The following TBC1D1 variants were observed in gnomAD, a reference collection of about 807,000 sequenced individuals.
TBC1D1 encodes TBC1 (tre-2/USP6, BUB2, cdc16) domain family, member 1.
Under a neutral mutation model 125.6 loss-of-function variants are expected in TBC1D1, and 89 were observed. That is an observed-to-expected ratio of 0.71 (90% CI 0.60 to 0.85). The LOEUF (loss-of-function observed/expected upper bound fraction) is 0.85. Among genes scored for constraint, TBC1D1 ranks in the 40% least tolerant of loss-of-function variants. The probability of loss-of-function intolerance (pLI) is 0.00; values close to 1 mark genes in which losing one functional copy is unlikely to be tolerated. For synonymous variants in TBC1D1, 565 were observed against 564.1 expected (o/e 1.00, Z -0.02); for missense variants, 1,377 against 1,469.2 (o/e 0.94, Z 1.03).
chr4:37,931,323 C>T (rs1478181812), intron 2 of TBC1D1, among the ~76,000 whole-genome samples: 2 of 151,340 alleles, frequency 1.3e-5, no homozygotes, highest in Non-Finnish European at 2.9e-5. Flanking sequence ...TCTTGAACTC[C>T]TGACCTCAAG....
intron 12 of TBC1D1, among the ~76,000 whole-genome samples, chr4:38,079,721 T>C (rs1756222448): frequency 7.0e-6 from 1 of 143,314 alleles, no homozygotes; most frequent in South Asian, 2.3e-4. Context: ...AGAGCGAGAC[T>C]CCATCTCAAA....
Position 38,035,582 on chromosome 4 carries a change from TTAA to T in TBC1D1, c.1303-5_1303-3del. 6.2e-7 allele frequency: 1 copy of T among 1,609,368 alleles called. No individual in the cohort carries two copies. The highest frequency in any genetic ancestry group is 8.5e-7 in the Non-Finnish European group (1 of 1,177,280). Reference sequence around the variant, plus strand: ...ATAAATCCTGTTTCTGATTTTTGTTTTAAAGAAATTGAGACCGAGAAATGAGCA... The same window carrying T: ...ATAAATCCTGTTTCTGATTTTTGTTTAGAAATTGAGACCGAGAAATGAGCA... On this transcript the variant is annotated splice_polypyrimidine_tract_variant and splice_region_variant and intron_variant, in intron 7 of 19. Transcript: ENST00000261439.
Position 37,974,951 on chromosome 4 carries a change from C to A in TBC1D1, c.418-39558C>A, listed in dbSNP as rs1424992570. 2.6e-5 allele frequency among the ~76,000 whole-genome samples: 4 copies of A among 152,218 alleles called. No homozygotes were observed. The East Asian group carries it at 7.7e-4, about 29-fold the overall frequency. On this transcript the variant is annotated intron_variant, in intron 2 of 19. Coordinates refer to ENST00000261439, the MANE Select transcript of TBC1D1 (RefSeq NM_015173.4). ...GAAACCCTATCATCCCCTGTAGGGT[C>A]TAGCCCCACAGGGTTGGTGGGTTTT...
intron 2 of TBC1D1, among the ~76,000 whole-genome samples, chr4:37,953,787 G>C (rs913373967): frequency 2.6e-5 from 4 of 152,146 alleles, no homozygotes; most frequent in Non-Finnish European, 4.4e-5. Flanking sequence ...TGGTTAGCTT[G>C]GTATGTGGCC....
intron 2 of TBC1D1, among the ~76,000 whole-genome samples, chr4:37,959,857 C>T (rs1374909029): frequency 3.9e-5 from 6 of 152,132 alleles, no homozygotes; most frequent in East Asian, 1.9e-4. Flanking sequence ...GAGGGCCTCT[C>T]GGCTCTCCCC....
At chr4:38,054,640 C>T (rs1751349014) in intron 12 of TBC1D1, among the ~76,000 whole-genome samples, 1 of 152,130 alleles carries the variant, frequency 6.6e-6, no homozygotes, top group Non-Finnish European at 1.5e-5. Context: ...TTCTTGCCTC[C>T]TAGGACATAA....
intron 2 of TBC1D1, among the ~76,000 whole-genome samples, chr4:37,906,347 C>T (rs1181735758): frequency 1.3e-5 from 2 of 152,142 alleles, no homozygotes; most frequent in African/African-American, 2.4e-5. Flanking sequence ...AGGGTTTCAC[C>T]GTGTTGGCCA....
chr4:38,123,961 C>T (rs1005273628), intron 17 of TBC1D1, among the ~76,000 whole-genome samples: 14 of 152,160 alleles, frequency 9.2e-5, no homozygotes, highest in African/African-American at 3.4e-4. Flanking sequence ...GAGAGGCACC[C>T]TGCAAGGTTA....
intron 4 of TBC1D1, among the ~76,000 whole-genome samples, chr4:38,019,633 A>G (rs1040693433): frequency 1.3e-4 from 20 of 152,216 alleles, no homozygotes; most frequent in Non-Finnish European, 1.9e-4. Flanking sequence ...ACATCTCTGC[A>G]TGATGATGCT....
chr4:37,924,576 T>C (rs1426935070), intron 2 of TBC1D1, among the ~76,000 whole-genome samples: 1 of 152,204 alleles, frequency 6.6e-6, no homozygotes, highest in Admixed American at 6.5e-5. Context: ...TTTATTTCTG[T>C]CTCTATGAAT....
intron 11 of TBC1D1, chr4:38,052,005 A>C: frequency 2.3e-5 from 36 of 1,551,034 alleles, no homozygotes; most frequent in Non-Finnish European, 3.1e-5. Context: ...AAACTTTTTT[A>C]AGTACCTAAA....
At chr4:38,019,404 TA>T (rs1293025896) in intron 4 of TBC1D1, among the ~76,000 whole-genome samples, 1 of 152,212 alleles carries the variant, frequency 6.6e-6, no homozygotes. Flanking sequence ...TGGAGAAGAT[TA>T]ATTGAGATGG....
chr4:37,925,541 C>T (rs2097246281), intron 2 of TBC1D1, among the ~76,000 whole-genome samples: 2 of 151,852 alleles, frequency 1.3e-5, no homozygotes, highest in South Asian at 2.1e-4. Flanking sequence ...CATGGTGAAA[C>T]CCTGTCTCTA....
intron 7 of TBC1D1, among the ~76,000 whole-genome samples, chr4:38,034,738 AAAG>A (rs1746872076): frequency 6.6e-6 from 1 of 152,248 alleles, no homozygotes; most frequent in African/African-American, 2.4e-5. Context: ...CAACATAAAA[AAAG>A]ATGTATTTTC....
intron 2 of TBC1D1, among the ~76,000 whole-genome samples, chr4:38,003,530 T>A (rs922348454): frequency 2.6e-5 from 4 of 152,202 alleles, no homozygotes; most frequent in Non-Finnish European, 5.9e-5. Context: ...CGTTCTGTAC[T>A]GAAAGGTAGA....
intron 14 of TBC1D1, among the ~76,000 whole-genome samples, chr4:38,096,624 G>A (rs1759390746): frequency 6.6e-6 from 1 of 152,190 alleles, no homozygotes; most frequent in Non-Finnish European, 1.5e-5. Context: ...TATACTGTAA[G>A]GCCTTAGAGA....
At chr4:37,925,640 GCCACTGCATT>G (rs2152280224) in intron 2 of TBC1D1, among the ~76,000 whole-genome samples, 1 of 144,484 alleles carries the variant, frequency 6.9e-6, no homozygotes, top group South Asian at 2.2e-4. Flanking sequence ...CTAAGATCGC[GCCACTGCATT>G]CCAGCCTGGT....
rs547108940 is a variant in TBC1D1 at position 38,102,009 on chromosome 4, C to T, written c.2399-990C>T. Reference sequence around the variant, plus strand: ...GTCGCAAGGACAGAAAACCAAACATCGCATGTTCTCACTCATAGGTGGGAA... The same window carrying T: ...GTCGCAAGGACAGAAAACCAAACATTGCATGTTCTCACTCATAGGTGGGAA... On this transcript the variant is annotated intron_variant, in intron 14 of 19. Coordinates refer to ENST00000261439, the MANE Select transcript of TBC1D1 (RefSeq NM_015173.4). Among the ~76,000 whole-genome samples the T allele has an allele frequency of 1.2e-3, 183 of 148,152 alleles. 1 individual carries two copies. The South Asian group carries it at 0.023, about 19-fold the overall frequency.
intron 18 of TBC1D1, among the ~76,000 whole-genome samples, chr4:38,126,439 G>A (rs1039225465): frequency 1.3e-5 from 2 of 152,250 alleles, no homozygotes; most frequent in Non-Finnish European, 2.9e-5. Context: ...TCCACATGCA[G>A]TGTTTGTGAT....
Sources: gnomAD v4.1 joint callset for allele counts (sites outside exome capture counted in the v4.1 genomes callset) on GRCh38, gnomAD v4.1.1 for gene constraint, MANE v1.5 for transcripts, NCBI Gene and HGNC (gene_info 2026-07-23, HGNC 2026-07-21) for gene names.